TPD52: variants seen among roughly 807,000 people sequenced by gnomAD.
The protein encoded by TPD52 is tumor protein D52, also known as prostate and colon associated protein.
Under a neutral mutation model 31.3 loss-of-function variants are expected in TPD52, and 17 were observed. The observed-to-expected ratio is 0.54, with a 90% CI of 0.37 to 0.82. The LOEUF is 0.82. Among genes scored for constraint, TPD52 ranks in the 40% least tolerant of loss-of-function variants. The probability of loss-of-function intolerance (pLI) is 0.00; values close to 1 mark genes in which losing one functional copy is unlikely to be tolerated. For synonymous variants in TPD52, 83 were observed against 89.6 expected (o/e 0.93, Z 0.42); for missense variants, 212 against 240.1 (o/e 0.88, Z 0.77).
At chr8:80,102,638 G>A (rs1437980533) in intron 1 of TPD52, among the ~76,000 whole-genome samples, 1 of 152,134 alleles carries the variant, frequency 6.6e-6, no homozygotes, top group Non-Finnish European at 1.5e-5. Context: ...GTCTGTCCCC[G>A]TTTCCTGACA....
At chr8:80,171,259 C>G in intron 1 of TPD52, 166 bp downstream of exon 1, 1 of 881,864 alleles carries the variant, frequency 1.1e-6, no homozygotes. Flanking sequence ...TTCCAGGGCC[C>G]CAGGATGCCA....
At chr8:80,140,914 C>A (rs747775732) in intron 1 of TPD52, among the ~76,000 whole-genome samples, 1 of 150,764 alleles carries the variant, frequency 6.6e-6, no homozygotes, top group East Asian at 2.0e-4. Context: ...GCAGGAAGAA[C>A]AGACCAAGAG....
At chr8:80,084,243 G>T (rs1181251579) in intron 1 of TPD52, among the ~76,000 whole-genome samples, 1 of 152,170 alleles carries the variant, frequency 6.6e-6, no homozygotes, top group Non-Finnish European at 1.5e-5. Flanking sequence ...TCAGTGGGGA[G>T]AGAGGTCCAT....
chr8:80,071,701 C>T (rs542031451), intron 1 of TPD52, among the ~76,000 whole-genome samples: 3 of 152,284 alleles, frequency 2.0e-5, no homozygotes, highest in South Asian at 4.1e-4. Flanking sequence ...CAATCCTGCC[C>T]TCCTGCCTAG....
intron 2 of TPD52, among the ~76,000 whole-genome samples, chr8:80,054,530 G>A (rs1425639267): frequency 6.6e-6 from 1 of 152,112 alleles, no homozygotes; most frequent in African/African-American, 2.4e-5. Flanking sequence ...AAGACCCTCA[G>A]AGAAATGCGT....
rs1008354387 is a variant in TPD52 at position 80,085,962 on chromosome 8, G to A, written c.20-21369C>T. Among the ~76,000 whole-genome samples the A allele has an allele frequency of 3.1e-4, 47 of 152,230 alleles. 1 individual carries two copies. Among genetic ancestry groups the A allele is most frequent in the African/African-American group, 1.1e-3 (45 of 41,538 alleles). ...AGGATAGAGATGGCCATACCCCAGT[G>A]AGAGGCAGATGGACCGCTCTGAATA... On this transcript the variant is annotated intron_variant, in intron 1 of 7. Coordinates refer to ENST00000518937, the MANE Select transcript of TPD52 (RefSeq NM_001025253.3).
intron 1 of TPD52, among the ~76,000 whole-genome samples, chr8:80,165,803 A>G (rs1031736986): frequency 2.6e-5 from 4 of 152,212 alleles, no homozygotes; most frequent in African/African-American, 7.2e-5. Context: ...ATACATAAAA[A>G]GCACTAAATA....
At chr8:80,080,466 C>T (rs370119071) in intron 1 of TPD52, 111 of 1,613,562 alleles carry the variant, frequency 6.9e-5, no homozygotes, top group Non-Finnish European at 8.7e-5. Context: ...CAGACAAACG[C>T]AGAATGCATG....
chr8:80,071,643 G>A (rs780022884), intron 1 of TPD52, among the ~76,000 whole-genome samples: 22 of 151,984 alleles, frequency 1.4e-4, no homozygotes, highest in Non-Finnish European at 2.8e-4. Context: ...TCTCTGAGAC[G>A]TCATGGCTCC....
intron 1 of TPD52, among the ~76,000 whole-genome samples, chr8:80,099,919 A>G (rs1318516941): frequency 1.3e-5 from 2 of 152,226 alleles, no homozygotes; most frequent in Non-Finnish European, 2.9e-5. Context: ...CTTGGCAAAT[A>G]TTTGGTGAAA....
intron 1 of TPD52, among the ~76,000 whole-genome samples, chr8:80,138,996 C>A (rs1809632014): frequency 6.6e-6 from 1 of 152,210 alleles, no homozygotes; most frequent in Admixed American, 6.5e-5. Flanking sequence ...TCCAGTGCCT[C>A]CACTGACAAA....
chr8:80,119,826 G>A, intron 1 of TPD52: 1 of 414,318 alleles, frequency 2.4e-6, no homozygotes, highest in Non-Finnish European at 4.7e-6. Context: ...TTTTATATGA[G>A]TGGAGAAAAG....
chr8:80,093,463 A>G (rs1816446177), intron 1 of TPD52, among the ~76,000 whole-genome samples: 1 of 152,228 alleles, frequency 6.6e-6, no homozygotes, highest in Non-Finnish European at 1.5e-5. Flanking sequence ...AACTTCCACA[A>G]TGCTTACACA....
chr8:80,103,447 GTC>G (rs1483485784), intron 1 of TPD52, among the ~76,000 whole-genome samples: 1 of 152,196 alleles, frequency 6.6e-6, no homozygotes, highest in African/African-American at 2.4e-5. Context: ...GCCCCTTGTG[GTC>G]TGATGCTACC....
intron 7 of TPD52, among the ~76,000 whole-genome samples, chr8:80,039,931 T>C (rs1810215728): frequency 2.6e-5 from 4 of 152,248 alleles, no homozygotes; most frequent in African/African-American, 9.6e-5. Context: ...TTTAGTTTCA[T>C]TGGCCATTTA....
At chr8:80,031,300 A>G (rs1809687703), downstream of TPD52, among the ~76,000 whole-genome samples, 1 of 152,220 alleles carries the variant, frequency 6.6e-6, no homozygotes, top group African/African-American at 2.4e-5. Context: ...AGATAGTGTT[A>G]AGAACACGAA....
At chr8:80,099,755 C>G (rs576410933) in intron 1 of TPD52, among the ~76,000 whole-genome samples, 2 of 152,304 alleles carry the variant, frequency 1.3e-5, no homozygotes, top group East Asian at 1.9e-4. Flanking sequence ...AAGTGATCCA[C>G]CCACCTCAGC....
chr8:80,140,754 C>A (rs181646280), intron 1 of TPD52, among the ~76,000 whole-genome samples: 1 of 152,066 alleles, frequency 6.6e-6, no homozygotes. Flanking sequence ...TTAGCTGCAC[C>A]GCACTCTAGG....
chr8:80,151,113 A>G (rs965433724), intron 1 of TPD52, among the ~76,000 whole-genome samples: 1 of 152,132 alleles, frequency 6.6e-6, no homozygotes, highest in Non-Finnish European at 1.5e-5. Context: ...GTGATGGTGA[A>G]TAAGTTTCAT....
Sources: gnomAD v4.1 joint callset for allele counts (sites outside exome capture counted in the v4.1 genomes callset) on GRCh38, gnomAD v4.1.1 for gene constraint, MANE v1.5 for transcripts, NCBI Gene and HGNC (gene_info 2026-07-23, HGNC 2026-07-21) for gene names.